Variants in XKR9 observed in about 807,000 individuals in gnomAD.
XKR9 encodes XK-related protein 9.
A neutral mutation model predicts 32.0 loss-of-function variants in XKR9; 32 were observed. The observed-to-expected ratio is 1.00, with a 90% CI of 0.76 to 1.34. XKR9 has a LOEUF of 1.34. XKR9 is among the 40% of genes most tolerant of loss of function. The pLI, the probability that XKR9 is intolerant of heterozygous loss-of-function variation, is 0.00. For synonymous variants in XKR9, 168 were observed against 143.4 expected (o/e 1.17, Z -1.22); for missense variants, 546 against 429.7 (o/e 1.27, Z -2.39).
At chr8:71,005,982 G>A in the XKR9 span, among the ~76,000 whole-genome samples, 1 of 152,250 alleles carries the variant, frequency 6.6e-6, no homozygotes, top group Non-Finnish European at 1.5e-5. Context: ...AGTTTGGGAT[G>A]ACACATCCTA....
chr8:70,876,883 G>T, the XKR9 span, among the ~76,000 whole-genome samples: 2 of 152,036 alleles, frequency 1.3e-5, no homozygotes, highest in African/African-American at 4.8e-5. Flanking sequence ...AATAAATAAT[G>T]TAGTACTGTT....
At chr8:70,776,923 TTCTCTC>T (rs369388439) in intron 2 of XKR9, among the ~76,000 whole-genome samples, 1 of 59,620 alleles carries the variant, frequency 1.7e-5, no homozygotes, top group Non-Finnish European at 3.2e-5. Flanking sequence ...TTCTCTTTCT[TTCTCTC>T]TCTCTCTCTC....
chr8:70,758,716 T>A (rs1807264492), intron 2 of XKR9, among the ~76,000 whole-genome samples: 1 of 152,236 alleles, frequency 6.6e-6, no homozygotes, highest in Non-Finnish European at 1.5e-5. Context: ...TCAGTCTTGA[T>A]GACATAATTT....
the XKR9 span, among the ~76,000 whole-genome samples, chr8:70,989,326 G>A: frequency 9.7e-3 from 1,479 of 152,248 alleles, 23 homozygotes; most frequent in African/African-American, 0.034. Flanking sequence ...AAATCAATTC[G>A]AAATAAAATT....
the XKR9 span, among the ~76,000 whole-genome samples, chr8:71,028,875 G>C: frequency 2.0e-5 from 3 of 151,594 alleles, no homozygotes; most frequent in Non-Finnish European, 1.5e-5. Flanking sequence ...TAGAGGCTAA[G>C]AGTATATTCT....
chr8:71,029,806 C>A, the XKR9 span, among the ~76,000 whole-genome samples: 1 of 151,688 alleles, frequency 6.6e-6, no homozygotes, highest in African/African-American at 2.4e-5. Context: ...GGCTAATTGA[C>A]CTATTTTAAA....
At chr8:70,849,554 A>C in the XKR9 span, among the ~76,000 whole-genome samples, 24 of 152,348 alleles carry the variant, frequency 1.6e-4, no homozygotes, top group African/African-American at 5.5e-4. Context: ...CAATTAAAAG[A>C]ACTAGAGAAG....
At chr8:70,692,588 AT>A (rs34505022) in intron 3 of XKR9, among the ~76,000 whole-genome samples, 61,056 of 151,334 alleles carry the variant, frequency 0.4, 13,836 homozygotes, top group Non-Finnish European at 0.52. Context: ...TATTATTCTT[AT>A]TTTTTTGAGA....
chr8:70,868,682 C>T, the XKR9 span, among the ~76,000 whole-genome samples: 1 of 152,164 alleles, frequency 6.6e-6, no homozygotes, highest in African/African-American at 2.4e-5. Flanking sequence ...GCCCTGGAGA[C>T]ATTTTCTTTA....
chr8:70,728,193 G>A (rs1806540478), intron 4 of XKR9, among the ~76,000 whole-genome samples: 1 of 152,140 alleles, frequency 6.6e-6, no homozygotes, highest in African/African-American at 2.4e-5. Flanking sequence ...GTTAGGTCAG[G>A]TCTCTTTCAC....
chr8:70,752,427 A>G (rs550905964), intron 2 of XKR9, among the ~76,000 whole-genome samples: 2 of 152,294 alleles, frequency 1.3e-5, no homozygotes, highest in South Asian at 2.1e-4. Flanking sequence ...GCATCATAAC[A>G]TGGCAGATAA....
chr8:70,707,983 T>C (rs1296856839), intron 4 of XKR9, among the ~76,000 whole-genome samples: 2 of 152,012 alleles, frequency 1.3e-5, no homozygotes, highest in East Asian at 3.8e-4. Context: ...GGGGATAAGA[T>C]TGTTATCTTC....
At chr8:70,877,452 T>A in the XKR9 span, among the ~76,000 whole-genome samples, 2 of 152,170 alleles carry the variant, frequency 1.3e-5, no homozygotes, top group Non-Finnish European at 2.9e-5. Flanking sequence ...GAGGCCTAGA[T>A]AATTTAAGTG....
chr8:70,953,583 A>G, the XKR9 span, among the ~76,000 whole-genome samples: 94 of 152,204 alleles, frequency 6.2e-4, no homozygotes, highest in South Asian at 1.7e-3. Context: ...AAGTGCTGGG[A>G]TTATCGGTGT....
the XKR9 span, among the ~76,000 whole-genome samples, chr8:70,982,764 G>A: frequency 1.3e-5 from 2 of 152,152 alleles, no homozygotes; most frequent in African/African-American, 2.4e-5. Context: ...TTCAGGATGT[G>A]AGTCTCCACA....
Position 70,706,999 on chromosome 8 carries a change from C to T in XKR9, c.339C>T (p.Phe113=), listed in dbSNP as rs747314955. 16 of 1,613,088 alleles carry T rather than the reference C, an allele frequency of 9.9e-6. No homozygotes were observed. The highest frequency in any genetic ancestry group is 5.0e-5 in the Admixed American group (3 of 59,944). ...AFKYDSNTSN[F]VEEQIDLHKE... is the part of the protein sequence containing the mutation. ...AATATGACAGCAATACTAGTAACTTCGTGGAAGAACAAATTGATCTACATA... is the reference window on the plus strand; with the variant it reads ...AATATGACAGCAATACTAGTAACTTTGTGGAAGAACAAATTGATCTACATA... The change falls in exon 4 of 5, where the codon TTC becomes TTT. Residue 113 remains phenylalanine (F), a synonymous_variant. Coordinates refer to ENST00000408926, the MANE Select transcript of XKR9 (RefSeq NM_001011720.2).
chr8:70,702,968 T>C (rs1379807357), intron 3 of XKR9, among the ~76,000 whole-genome samples: 1 of 152,196 alleles, frequency 6.6e-6, no homozygotes, highest in Non-Finnish European at 1.5e-5. Context: ...ACTCTCATTG[T>C]TTCCCTGTGA....
the XKR9 span, among the ~76,000 whole-genome samples, chr8:70,851,739 G>T: frequency 6.6e-6 from 1 of 152,166 alleles, no homozygotes; most frequent in African/African-American, 2.4e-5. Flanking sequence ...TATGCAGAAA[G>T]CTGAAACTGG....
the XKR9 span, among the ~76,000 whole-genome samples, chr8:70,975,425 G>GTCTTTTGTA: frequency 1.3e-5 from 2 of 152,194 alleles, no homozygotes; most frequent in Non-Finnish European, 2.9e-5. Context: ...TGTATAAGGT[G>GTCTTTTGTA]TAAGGAAGGT....
Sources: gnomAD v4.1 joint callset for allele counts (sites outside exome capture counted in the v4.1 genomes callset) on GRCh38, gnomAD v4.1.1 for gene constraint, MANE v1.5 for transcripts, NCBI Gene and HGNC (gene_info 2026-07-23, HGNC 2026-07-21) for gene names.